KMT2B: variants seen among roughly 807,000 people sequenced by gnomAD.
KMT2B encodes the protein histone-lysine N-methyltransferase 2B.
A neutral mutation model predicts 255.3 loss-of-function variants in KMT2B; 22 were observed. The ratio of observed to expected loss-of-function variants is 0.09; its 90% CI spans 0.06 to 0.12. The LOEUF (loss-of-function observed/expected upper bound fraction) is 0.12, where lower values mean the gene tolerates loss of function less well. Ranked by LOEUF, KMT2B falls within the 10% of genes least tolerant of loss-of-function variation. KMT2B has a pLI of 1.00. For missense variants in KMT2B, 3,149 were observed against 3,737.0 expected (o/e 0.84, Z 4.10); for synonymous variants, 1,730 against 1,498.1 (o/e 1.15, Z -3.57).
chr19:35,734,063 T>C (rs1969828705), intron 30 of KMT2B, among the ~76,000 whole-genome samples, 191 bp downstream of exon 30: 3 of 152,070 alleles, frequency 2.0e-5, no homozygotes, highest in Non-Finnish European at 4.4e-5. Flanking sequence ...GGAAATGACA[T>C]TTCGCCTCTA....
intron 30 of KMT2B, among the ~76,000 whole-genome samples, chr19:35,734,961 G>A (rs1969861553): frequency 6.6e-6 from 1 of 152,188 alleles, no homozygotes. Context: ...GTGGCCTTAG[G>A]AGGTCCCTGT....
chr19:35,724,010 G>C lies in KMT2B; in HGVS notation c.3334+3G>C, dbSNP rs1309081546. The C allele has an allele frequency of 1.3e-6, 2 of 1,581,496 alleles. No homozygotes were observed. Among genetic ancestry groups the C allele is most frequent in the Non-Finnish European group, 1.7e-6 (2 of 1,164,200 alleles). ...GCGTCGGACCCCCCGAGAAAATGGT[G>C]CGAACTGCTTAATGCTTTCTCTGTT... On this transcript the variant is annotated splice_donor_region_variant and intron_variant, in intron 8 of 36. Coordinates refer to ENST00000420124, the MANE Select transcript of KMT2B (RefSeq NM_014727.3).
In KMT2B at chr19:35,733,457, A is replaced by T. The variant is rs1431667897; in HGVS notation, c.6908A>T (p.Asp2303Val). ...PPYKAPRLDE[D>V]GEASEDTPQV... is the part of the protein sequence containing the mutation. The stretch of plus-strand genomic sequence containing the variant: ...TACAAAGCCCCCCGGCTGGATGAAG[A>T]TGGAGAGGCCTCAGAGGATACCCCT... Residue 2303 changes from aspartate to valine, a missense_variant, in exon 28 of 37, where the codon GAT becomes GTT. Transcript: ENST00000420124. The surrounding 1 kb of genome is among the most constrained non-coding windows in gnomAD (Gnocchi z 4.3). 4 of 1,561,562 alleles carry T rather than the reference A, an allele frequency of 2.6e-6. No individual in the cohort carries two copies. The highest frequency in any genetic ancestry group is 3.5e-6 in the Non-Finnish European group (4 of 1,153,294).
chr19:35,726,967 G>A (rs1350266069), intron 14 of KMT2B, among the ~76,000 whole-genome samples, 189 bp from the exon 15 acceptor site: 1 of 131,354 alleles, frequency 7.6e-6, no homozygotes, highest in Non-Finnish European at 1.6e-5. Context: ...CTGGGTGACA[G>A]AGCAAGACAC....
Position 35,723,957 on chromosome 19 carries a change from C to T in KMT2B, c.3284C>T (p.Ser1095Leu), listed in dbSNP as rs764276845. The change falls in exon 8 of 37, where the codon TCG (serine) becomes TTG (leucine). Residue 1095 changes from serine (S) to leucine (L), a missense_variant. By Grantham distance (145) the Ser-to-Leu change is moderately radical. Coordinates refer to ENST00000420124, the MANE Select transcript of KMT2B (RefSeq NM_014727.3). This position sits in a 1 kb window ranked among gnomAD's most constrained non-coding sequence, Gnocchi z 7.5. ...SYDIFEDSDDSEPGGPPAPRR... is the reference protein window; with the variant it reads ...SYDIFEDSDDLEPGGPPAPRR... ...GATATCTTCGAGGATTCGGATGACT[C>T]GGAGCCCGGGGGCCCCCCTGCTCCT... 7 of 1,610,904 alleles carry T rather than the reference C, an allele frequency of 4.3e-6. No individual in the cohort carries two copies. The highest frequency in any genetic ancestry group is 3.3e-5 in the Admixed American group (2 of 59,790).
At chr19:35,736,030 C>T (rs113134640) in intron 30 of KMT2B, 15,090 of 152,530 alleles carry the variant, frequency 0.099, 846 homozygotes, top group South Asian at 0.11. Context: ...TTTGGGAGGC[C>T]GAGGCGGGCG....
At position 35,727,747 on chromosome 19, in the gene KMT2B, C is replaced by G. The variant is rs1399327777; in HGVS notation, c.4352C>G (p.Ala1451Gly). The G allele has an allele frequency of 6.2e-7, 1 of 1,613,894 alleles. No homozygotes were observed. Among genetic ancestry groups the G allele is most frequent in the Admixed American group, 1.7e-5 (1 of 60,034 alleles). Residue 1451 changes from alanine to glycine, a missense_variant, in exon 17 of 37, where the codon GCT becomes GGT. Ala to Gly is a moderately conservative substitution (Grantham distance 60). Coordinates refer to ENST00000420124, the MANE Select transcript of KMT2B (RefSeq NM_014727.3). The surrounding 1 kb of genome is among the most constrained non-coding windows in gnomAD (Gnocchi z 4.2). ...CACCCAGGACCCTGCGGCCTGCAAG[C>G]TGTGAGTCAGCGCTTCGAGGATGGC... ...QLHPGPCGLQ[A>G]VSQRFEDGHY...
chr19:35,723,289 C>T lies in KMT2B; in HGVS notation c.3002+15C>T, dbSNP rs202217671. The T allele has an allele frequency of 5.2e-5, 84 of 1,605,936 alleles. No homozygotes were observed. The highest frequency in any genetic ancestry group is 6.9e-5 in the Non-Finnish European group (81 of 1,174,642). On this transcript the variant is annotated intron_variant, in intron 6 of 36. Coordinates refer to ENST00000420124, the MANE Select transcript of KMT2B (RefSeq NM_014727.3). The surrounding 1 kb of genome is among the most constrained non-coding windows in gnomAD (Gnocchi z 7.5). ...CAGTGCTGTGTGTGAGTAGCTGGGG[C>T]GTGACCTCATTCCCGTGGTTGTTGG...
In KMT2B at chr19:35,724,025, CTTTCTCTG is replaced by C; in HGVS notation, c.3334+21_3334+28del. ...AGAAAATGGTGCGAACTGCTTAATG[CTTTCTCTG>C]TTGATCATTTATTTGGTCTTGTGTC... On this transcript the variant is annotated intron_variant, in intron 8 of 36. Transcript: ENST00000420124. 1 of 1,556,154 alleles carries C rather than the reference CTTTCTCTG, an allele frequency of 6.4e-7. No individual in the cohort carries two copies. The highest frequency in any genetic ancestry group is 8.7e-7 in the Non-Finnish European group (1 of 1,150,224).
Position 35,733,938 on chromosome 19 carries a change from C to A in KMT2B, c.7159+66C>A. ...GGCTCAGCTGGGTGACTCACAGATGCAAAATCAGCCCTCTTTCAAAACCAG... is the reference window on the plus strand; with the variant it reads ...GGCTCAGCTGGGTGACTCACAGATGAAAAATCAGCCCTCTTTCAAAACCAG... On this transcript the variant is annotated intron_variant, in intron 30 of 36. Transcript: ENST00000420124. The surrounding 1 kb of genome is among the most constrained non-coding windows in gnomAD (Gnocchi z 4.3). 8.8e-7 allele frequency: 1 copy of A among 1,139,910 alleles called. No homozygotes were observed. Among genetic ancestry groups the A allele is most frequent in the Non-Finnish European group, 1.3e-6 (1 of 768,564 alleles). 70.6% of individuals were successfully genotyped at this position (1,139,910 alleles called of 1,614,324 possible).
chr19:35,725,797 C>T lies in KMT2B; in HGVS notation c.3864C>T (p.Ala1288=). ...ACLGPSYPTR[A]TRKRRHWICS... is the part of the protein sequence containing the mutation. ...TGGGGCCCAGCTATCCAACCCGGGC[C>T]ACGCGCAAACGGCGCCACTGGGTGA... The change falls in exon 13 of 37, where the codon GCC becomes GCT. Residue 1288 remains alanine, a synonymous_variant. Transcript: ENST00000420124. This position sits in a 1 kb window ranked among gnomAD's most constrained non-coding sequence, Gnocchi z 4.1. 6.3e-7 allele frequency: 1 copy of T among 1,586,812 alleles called. No homozygotes were observed. Among genetic ancestry groups the T allele is most frequent in the South Asian group, 1.1e-5 (1 of 87,782 alleles).
chr19:35,731,437 G>A (rs1294211238), intron 26 of KMT2B, among the ~76,000 whole-genome samples: 1 of 152,208 alleles, frequency 6.6e-6, no homozygotes, highest in Admixed American at 6.5e-5. Context: ...ATGACAAGAA[G>A]TGGACAGAGG....
intron 20 of KMT2B, 44 bp downstream of exon 20, chr19:35,728,933 G>T: frequency 1.9e-6 from 3 of 1,612,138 alleles, no homozygotes; most frequent in Non-Finnish European, 1.7e-6. Flanking sequence ...CTGTGTTGGT[G>T]GCCTGGCTCC....
At chr19:35,728,734 C>T (rs376279284) in intron 19 of KMT2B, 40 bp from the exon 20 acceptor site, 1 of 1,548,592 alleles carries the variant, frequency 6.5e-7, no homozygotes, top group Non-Finnish European at 8.9e-7. Flanking sequence ...TTCAGCTGCC[C>T]TTGTTGGGCA....
rs765426209 is a variant in KMT2B, at chr19:35,738,183, G to A, written c.7864G>A (p.Asp2622Asn). 6.2e-7 allele frequency: 1 copy of A among 1,613,812 alleles called. No individual in the cohort carries two copies. Among genetic ancestry groups the A allele is most frequent in the South Asian group, 1.1e-5 (1 of 91,072 alleles). The change falls in exon 36 of 37, where the codon GAT (aspartate) becomes AAT (asparagine). Residue 2622 changes from aspartate (D) to asparagine (N), a missense_variant. Coordinates refer to ENST00000420124, the MANE Select transcript of KMT2B (RefSeq NM_014727.3). This position sits in a 1 kb window ranked among gnomAD's most constrained non-coding sequence, Gnocchi z 8.7. The stretch of plus-strand genomic sequence containing the variant: ...GACTGACAAGCGGGAGAAGTTCTAC[G>A]ATGGGAAGGTGGGCTCCCAGTGGCT... ...VLTDKREKFY[D>N]GKGIGCYMFR...
At position 35,733,909 on chromosome 19, in the gene KMT2B, G is replaced by T. The variant is rs1337719405; in HGVS notation, c.7159+37G>T. On this transcript the variant is annotated intron_variant, in intron 30 of 36. Coordinates refer to ENST00000420124, the MANE Select transcript of KMT2B (RefSeq NM_014727.3). The surrounding 1 kb of genome is among the most constrained non-coding windows in gnomAD (Gnocchi z 4.3). ...CCTTGCCCTCTCCCTCCTTGCCTGT[G>T]CCTGGCTCAGCTGGGTGACTCACAG... The T allele has an allele frequency of 6.8e-7, 1 of 1,463,520 alleles. No homozygotes were observed. The highest frequency in any genetic ancestry group is 1.2e-5 in the South Asian group (1 of 85,440). 90.7% of individuals were successfully genotyped at this position (1,463,520 alleles called of 1,614,324 possible). A position where few individuals can be genotyped will look rare whatever the true frequency, so the allele number is the denominator to read the frequency against.
chr19:35,730,391 A>G lies in KMT2B; in HGVS notation c.5126A>G (p.Asp1709Gly), dbSNP rs1165797953. 1 of 1,613,656 alleles carries G rather than the reference A, an allele frequency of 6.2e-7. No individual in the cohort carries two copies. Among genetic ancestry groups the G allele is most frequent in the East Asian group, 2.2e-5 (1 of 44,868 alleles). ...GATGTTCTCCGCCGAGTCTATGTGGACTTCGAGGGCATCAACTTCAAGCGG... is the reference window on the plus strand; with the variant it reads ...GATGTTCTCCGCCGAGTCTATGTGGGCTTCGAGGGCATCAACTTCAAGCGG... ...GFDVLRRVYV[D>G]FEGINFKRKF... is the part of the protein sequence containing the mutation. The change falls in exon 24 of 37, where the codon GAC (aspartate) becomes GGC (glycine). Residue 1709 changes from aspartate to glycine, a missense_variant. Asp to Gly is a moderately conservative substitution (Grantham distance 94). Coordinates refer to ENST00000420124, the MANE Select transcript of KMT2B (RefSeq NM_014727.3).
chr19:35,725,381 T>G lies in KMT2B; in HGVS notation c.3642+48T>G. The G allele has an allele frequency of 6.4e-7, 1 of 1,569,760 alleles. No individual in the cohort carries two copies. The highest frequency in any genetic ancestry group is 8.6e-7 in the Non-Finnish European group (1 of 1,156,956). ...CAGACCCCCAGCTCTCTGTCGGTCCTCACGGCCTGATTCCTTGGGCCCTCT... is the reference window on the plus strand; with the variant it reads ...CAGACCCCCAGCTCTCTGTCGGTCCGCACGGCCTGATTCCTTGGGCCCTCT... On this transcript the variant is annotated intron_variant, in intron 11 of 36. Transcript: ENST00000420124. This position sits in a 1 kb window ranked among gnomAD's most constrained non-coding sequence, Gnocchi z 4.1.
At chr19:35,731,276 C>G (rs1205652327) in intron 26 of KMT2B, among the ~76,000 whole-genome samples, 1 of 152,222 alleles carries the variant, frequency 6.6e-6, no homozygotes, top group Non-Finnish European at 1.5e-5. Context: ...CAAACCGGCC[C>G]CCTTACAGCC....
Sources: allele counts gnomAD v4.1 joint callset (sites outside exome capture counted in the v4.1 genomes callset), GRCh38; gene constraint gnomAD v4.1.1; non-coding constraint Gnocchi (gnomAD v3.1); transcripts MANE v1.5; gene names NCBI Gene and HGNC (gene_info 2026-07-23, HGNC 2026-07-21).